VEZT: variants seen among roughly 807,000 people sequenced by gnomAD.
VEZT encodes the protein vezatin, adherens junctions transmembrane protein.
Under a neutral mutation model 79.9 loss-of-function variants are expected in VEZT, and 39 were observed. That is an observed-to-expected ratio of 0.49 (90% CI 0.38 to 0.64). VEZT has a LOEUF of 0.64. Among genes scored for constraint, VEZT ranks in the 30% least tolerant of loss-of-function variants. The probability of loss-of-function intolerance (pLI) is 0.00; values close to 1 mark genes in which losing one functional copy is unlikely to be tolerated. For synonymous variants in VEZT, 325 were observed against 327.6 expected (o/e 0.99, Z 0.09); for missense variants, 837 against 893.1 (o/e 0.94, Z 0.80).
At position 95,282,345 on chromosome 12, in the gene VEZT, A is replaced by C; in HGVS notation, c.1029A>C (p.Ser343=). 3 of 1,613,668 alleles carry C rather than the reference A, an allele frequency of 1.9e-6. No individual in the cohort carries two copies. The highest frequency in any genetic ancestry group is 2.5e-6 in the Non-Finnish European group (3 of 1,179,790). The change falls in exon 8 of 12, where the codon TCA becomes TCC. Residue 343 remains serine (S), a synonymous_variant. Coordinates refer to ENST00000436874, the MANE Select transcript of VEZT (RefSeq NM_017599.4). ...TCCAACTCTGGGTGGCACAGAGTTC[A>C]GAGTTCTTCAGACGGTTAGCCCTAT... ...VLFQLWVAQS[S]EFFRRLALLL...
At chr12:95,245,926 C>T (rs1203854873) in intron 1 of VEZT, among the ~76,000 whole-genome samples, 2 of 152,304 alleles carry the variant, frequency 1.3e-5, no homozygotes, top group Non-Finnish European at 2.9e-5. Flanking sequence ...CTATAGTAAG[C>T]TATGATCGTG....
At chr12:95,229,276 A>G (rs546426142) in intron 1 of VEZT, among the ~76,000 whole-genome samples, 1 of 152,344 alleles carries the variant, frequency 6.6e-6, no homozygotes, top group South Asian at 2.1e-4. Context: ...ATTAAAATGT[A>G]AGTCCATTTG....
chr12:95,242,104 AATTT>A (rs2061100688), intron 1 of VEZT: 1 of 152,202 alleles, frequency 6.6e-6, no homozygotes, highest in South Asian at 2.1e-4. Context: ...TTAACTCATA[AATTT>A]ATTTTAGATC....
At chr12:95,257,069 T>G in intron 2 of VEZT, 81 bp from the exon 3 acceptor site, 1 of 1,085,060 alleles carries the variant, frequency 9.2e-7, no homozygotes, top group Non-Finnish European at 1.3e-6. Context: ...TTCTCATTGA[T>G]TGGAGGTAAG....
intron 1 of VEZT, among the ~76,000 whole-genome samples, chr12:95,249,430 C>T (rs989679657): frequency 1.6e-4 from 24 of 152,044 alleles, no homozygotes; most frequent in African/African-American, 5.8e-4. Flanking sequence ...TAATTCAAGG[C>T]AATATTTGAA....
intron 1 of VEZT, among the ~76,000 whole-genome samples, chr12:95,241,546 A>G (rs2061022589): frequency 2.0e-5 from 3 of 152,084 alleles, no homozygotes; most frequent in South Asian, 4.2e-4. Flanking sequence ...GCCTCAAGCA[A>G]TTCCTCCTGC....
At chr12:95,241,374 A>G (rs2060992993) in intron 1 of VEZT, among the ~76,000 whole-genome samples, 1 of 151,812 alleles carries the variant, frequency 6.6e-6, no homozygotes, top group Non-Finnish European at 1.5e-5. Flanking sequence ...CGAGTCTTGC[A>G]TGGCTTACTG....
chr12:95,220,486 A>G (rs1400156718), intron 1 of VEZT, among the ~76,000 whole-genome samples: 1 of 152,032 alleles, frequency 6.6e-6, no homozygotes, highest in Non-Finnish European at 1.5e-5. Context: ...AAGAAACAAC[A>G]TCACCAGCAC....
chr12:95,291,180 A>G (rs2072683998), intron 9 of VEZT, among the ~76,000 whole-genome samples: 1 of 152,202 alleles, frequency 6.6e-6, no homozygotes, highest in Non-Finnish European at 1.5e-5. Context: ...TCAGTGAGCC[A>G]TGATTGCACA....
intron 6 of VEZT, among the ~76,000 whole-genome samples, chr12:95,271,259 T>C (rs1176638740): frequency 1.3e-5 from 2 of 152,206 alleles, no homozygotes; most frequent in Non-Finnish European, 2.9e-5. Flanking sequence ...ATTAAGAACT[T>C]TTCCATTTTA....
intron 1 of VEZT, among the ~76,000 whole-genome samples, chr12:95,229,202 T>G (rs1311753182): frequency 6.6e-6 from 1 of 152,222 alleles, no homozygotes; most frequent in Non-Finnish European, 1.5e-5. Context: ...TTTGTTTCTG[T>G]TTTATGTCTA....
At chr12:95,264,637 A>G (rs1217302246) in intron 4 of VEZT, among the ~76,000 whole-genome samples, 2 of 151,822 alleles carry the variant, frequency 1.3e-5, no homozygotes, top group South Asian at 2.1e-4. Context: ...GGGTTTTGCC[A>G]TGTTGCCCAG....
intron 11 of VEZT, chr12:95,299,603 T>C (rs1190860669): frequency 6.6e-6 from 1 of 152,212 alleles, no homozygotes; most frequent in Non-Finnish European, 1.5e-5. Flanking sequence ...TCCATGCTGT[T>C]TTAACTTGTA....
At chr12:95,264,073 CA>C (rs1829894621) in intron 4 of VEZT, among the ~76,000 whole-genome samples, 1 of 152,222 alleles carries the variant, frequency 6.6e-6, no homozygotes, top group African/African-American at 2.4e-5. Flanking sequence ...AATCACTATT[CA>C]AACTGTTCAA....
intron 6 of VEZT, among the ~76,000 whole-genome samples, chr12:95,272,239 A>G (rs2066766104): frequency 6.6e-6 from 1 of 152,166 alleles, no homozygotes; most frequent in South Asian, 2.1e-4. Flanking sequence ...ATGAAGGAAA[A>G]AAAAAACGGG....
intron 9 of VEZT, among the ~76,000 whole-genome samples, chr12:95,288,498 G>A (rs868712369): frequency 3.3e-5 from 5 of 152,240 alleles, no homozygotes; most frequent in South Asian, 4.1e-4. Context: ...AAACTGTGCT[G>A]CAAATCAGTA....
intron 1 of VEZT, among the ~76,000 whole-genome samples, chr12:95,224,492 T>C (rs1348701888): frequency 1.3e-5 from 2 of 152,116 alleles, no homozygotes; most frequent in Non-Finnish European, 2.9e-5. Context: ...CTGTAACTCT[T>C]ATCACGGGAT....
At chr12:95,298,842 T>C (rs575254920) in intron 11 of VEZT, 2 of 152,390 alleles carry the variant, frequency 1.3e-5, no homozygotes, top group South Asian at 4.1e-4. Context: ...TATAAACTTA[T>C]ATCCTTTTTT....
chr12:95,232,149 C>T (rs139692279), intron 1 of VEZT, among the ~76,000 whole-genome samples: 12 of 152,230 alleles, frequency 7.9e-5, no homozygotes, highest in Non-Finnish European at 1.3e-4. Flanking sequence ...AGACCTATAG[C>T]TTTAAGCTAT....
Sources: gnomAD v4.1 joint callset for allele counts (sites outside exome capture counted in the v4.1 genomes callset) on GRCh38, gnomAD v4.1.1 for gene constraint, MANE v1.5 for transcripts, NCBI Gene and HGNC (gene_info 2026-07-23, HGNC 2026-07-21) for gene names.